Variants in TMCC1 observed in about 807,000 individuals in gnomAD.
The protein encoded by TMCC1 is transmembrane and coiled-coil domains protein 1.
A neutral mutation model predicts 52.4 loss-of-function variants in TMCC1; 15 were observed. The ratio of observed to expected loss-of-function variants is 0.29; its 90% confidence interval spans 0.19 to 0.44. TMCC1 has a LOEUF of 0.44. Ranked by LOEUF, TMCC1 falls within the 20% of genes least tolerant of loss-of-function variation. The pLI is 1.00. For synonymous variants in TMCC1, 279 were observed against 301.9 expected (o/e 0.92, Z 0.79); for missense variants, 503 against 806.0 (o/e 0.62, Z 4.55).
chr3:129,889,892 C>T (rs1708957), intron 1 of TMCC1, among the ~76,000 whole-genome samples: 7,616 of 148,300 alleles, frequency 0.051, 708 homozygotes, highest in East Asian at 0.4. Context: ...TGAATTTGTA[C>T]CTTAAAATAT....
At chr3:129,821,896 T>C (rs938257261) in intron 4 of TMCC1, among the ~76,000 whole-genome samples, 1 of 151,904 alleles carries the variant, frequency 6.6e-6, no homozygotes, top group African/African-American at 2.4e-5. Context: ...AAAACTCCTC[T>C]ACAAAAAAAT....
chr3:129,776,969 A>G (rs2055089510), intron 4 of TMCC1, among the ~76,000 whole-genome samples: 1 of 152,136 alleles, frequency 6.6e-6, no homozygotes, highest in Non-Finnish European at 1.5e-5. Flanking sequence ...GCTTGGCATT[A>G]AGGAAAAGCT....
chr3:129,712,204 T>G (rs1396469564), intron 4 of TMCC1, among the ~76,000 whole-genome samples: 1 of 151,898 alleles, frequency 6.6e-6, no homozygotes, highest in Non-Finnish European at 1.5e-5. Flanking sequence ...AAAGAAATCC[T>G]AGATCGAATG....
At chr3:129,871,365 CAA>C (rs908333351) in intron 2 of TMCC1, among the ~76,000 whole-genome samples, 14 of 49,838 alleles carry the variant, frequency 2.8e-4, no homozygotes, top group East Asian at 1.8e-3. Flanking sequence ...GACGCTGTCT[CAA>C]AAAAAAAAAA....
intron 4 of TMCC1, among the ~76,000 whole-genome samples, chr3:129,771,654 G>A (rs1053525424): frequency 6.6e-5 from 10 of 151,452 alleles, no homozygotes; most frequent in Admixed American, 5.3e-4. Context: ...ACGCATCTGT[G>A]GTCCCAGCTA....
chr3:129,753,173 A>G (rs1206122335), intron 4 of TMCC1, among the ~76,000 whole-genome samples: 1 of 152,212 alleles, frequency 6.6e-6, no homozygotes, highest in Non-Finnish European at 1.5e-5. Flanking sequence ...GTAGCCAAAT[A>G]TATGTCTGAA....
At chr3:129,867,645 C>T (rs998836221) in intron 2 of TMCC1, among the ~76,000 whole-genome samples, 1 of 152,172 alleles carries the variant, frequency 6.6e-6, no homozygotes, top group African/African-American at 2.4e-5. Context: ...AAAGAAAGAA[C>T]ATATAGCCAA....
chr3:129,825,145 A>AAAATG (rs1360405535), intron 4 of TMCC1, among the ~76,000 whole-genome samples: 4 of 152,330 alleles, frequency 2.6e-5, no homozygotes, highest in South Asian at 2.1e-4. Context: ...GGTGGTCAAC[A>AAAATG]AAATGAATTA....
At chr3:129,666,449 A>G (rs1222855832) in intron 5 of TMCC1, among the ~76,000 whole-genome samples, 1 of 152,146 alleles carries the variant, frequency 6.6e-6, no homozygotes, top group Non-Finnish European at 1.5e-5. Flanking sequence ...TGCTTAAAAT[A>G]GGTTTCTGGC....
At chr3:129,685,998 A>T (rs1227817157) in intron 4 of TMCC1, among the ~76,000 whole-genome samples, 1 of 152,144 alleles carries the variant, frequency 6.6e-6, no homozygotes, top group Non-Finnish European at 1.5e-5. Flanking sequence ...ATCATAATAC[A>T]CAACACTCTC....
At chr3:129,690,820 T>C (rs549260395) in intron 4 of TMCC1, among the ~76,000 whole-genome samples, 1 of 152,218 alleles carries the variant, frequency 6.6e-6, no homozygotes, top group Non-Finnish European at 1.5e-5. Flanking sequence ...ATAAAAGTAA[T>C]GATTTTATCT....
At chr3:129,789,589 TC>T (rs2056308650) in intron 4 of TMCC1, among the ~76,000 whole-genome samples, 2 of 152,208 alleles carry the variant, frequency 1.3e-5, no homozygotes, top group African/African-American at 4.8e-5. Flanking sequence ...CACGCCATTC[TC>T]CTGCCTCAGC....
intron 4 of TMCC1, among the ~76,000 whole-genome samples, chr3:129,714,137 GTC>G (rs2048898176): frequency 6.6e-6 from 1 of 152,168 alleles, no homozygotes. Context: ...GTGAGGGAAC[GTC>G]AAAGATATTT....
In TMCC1 at chr3:129,828,881, A is replaced by G. The variant is rs753248545; in HGVS notation, c.-130-373T>C. Among the ~76,000 whole-genome samples the G allele has an allele frequency of 6.6e-6, 1 of 152,238 alleles. No individual in the cohort carries two copies. The highest frequency in any genetic ancestry group is 2.4e-5 in the African/African-American group (1 of 41,468). ...GGAAATCAAGAGAAGAGACCATCCA[A>G]TAGGTTTACTCTAGCTGAGGCAATT... On this transcript the variant is annotated intron_variant, in intron 3 of 6. Coordinates refer to ENST00000393238, the MANE Select transcript of TMCC1 (RefSeq NM_001017395.5). This position sits in a 1 kb window ranked among gnomAD's most constrained non-coding sequence, Gnocchi z 4.1.
chr3:129,759,878 C>T (rs1367670834), intron 4 of TMCC1, among the ~76,000 whole-genome samples: 2 of 150,422 alleles, frequency 1.3e-5, no homozygotes, highest in Non-Finnish European at 3.0e-5. Flanking sequence ...CCCGCCACCA[C>T]GCCCGGCTAA....
chr3:129,706,719 C>G (rs1397905843), intron 4 of TMCC1, among the ~76,000 whole-genome samples: 1 of 152,176 alleles, frequency 6.6e-6, no homozygotes, highest in Non-Finnish European at 1.5e-5. Flanking sequence ...TAATGGTCAA[C>G]AATGATTGAA....
At chr3:129,820,798 C>T (rs926078724) in intron 4 of TMCC1, among the ~76,000 whole-genome samples, 2 of 152,142 alleles carry the variant, frequency 1.3e-5, no homozygotes, top group African/African-American at 2.4e-5. Flanking sequence ...ACAATCGATG[C>T]TATTAACCAC....
chr3:129,674,050 T>C (rs759653072), intron 4 of TMCC1, among the ~76,000 whole-genome samples: 1 of 152,216 alleles, frequency 6.6e-6, no homozygotes, highest in Non-Finnish European at 1.5e-5. Flanking sequence ...TACAGGTTTG[T>C]AGCCTAGAAA....
chr3:129,806,285 TAGATAAA>T lies in TMCC1; in HGVS notation c.576+21511_576+21517del, dbSNP rs1481109996. Among the ~76,000 whole-genome samples, 11 of 152,238 alleles carry T rather than the reference TAGATAAA, an allele frequency of 7.2e-5. No individual in the cohort carries two copies. In the East Asian group the frequency reaches 2.1e-3, roughly 29 times the overall value. ...CAGAGAACTGGAGAGGAGACAGCAA[TAGATAAA>T]AGATTCCAATAAAATTATGAAAGAT... On this transcript the variant is annotated intron_variant, in intron 4 of 6. Coordinates refer to ENST00000393238, the MANE Select transcript of TMCC1 (RefSeq NM_001017395.5).
Sources: allele counts gnomAD v4.1 joint callset (sites outside exome capture counted in the v4.1 genomes callset), GRCh38; gene constraint gnomAD v4.1.1; non-coding constraint Gnocchi (gnomAD v3.1); transcripts MANE v1.5; gene names NCBI Gene and HGNC (gene_info 2026-07-23, HGNC 2026-07-21).